The following PSMD13 variants were observed in gnomAD, a reference collection of about 807,000 sequenced individuals.
PSMD13 encodes the protein 26S proteasome non-ATPase regulatory subunit 13.
PSMD13 carries 8 observed loss-of-function variants against 57.4 expected under a neutral mutation model. The observed-to-expected ratio is 0.14, with a 90% CI of 0.08 to 0.25. PSMD13 has a LOEUF of 0.25. Among genes scored for constraint, PSMD13 ranks in the 10% least tolerant of loss-of-function variants. The probability of loss-of-function intolerance (pLI) is 1.00; values close to 1 mark genes in which losing one functional copy is unlikely to be tolerated. For synonymous variants in PSMD13, 193 were observed against 168.2 expected, an observed-to-expected ratio of 1.15 and a Z score of -1.14; for missense variants, 400 against 461.5, an observed-to-expected ratio of 0.87 and a Z score of 1.22.
At chr11:245,708 GTGTT>G (rs1229813892) in intron 6 of PSMD13, among the ~76,000 whole-genome samples, 1 of 86,174 alleles carries the variant, frequency 1.2e-5, no homozygotes, top group Admixed American at 1.1e-4. Flanking sequence ...GTGTTTGTGT[GTGTT>G]TGTGTGTGTG....
At position 252,271 on chromosome 11, in the gene PSMD13, G is replaced by A; in HGVS notation, c.1036-234G>A. On this transcript the variant is annotated intron_variant, in intron 12 of 12. Coordinates refer to ENST00000532097, the MANE Select transcript of PSMD13 (RefSeq NM_002817.4). The surrounding 1 kb of genome is among the most constrained non-coding windows in gnomAD (Gnocchi z 4.1). ...CATTTGCTGGAAATGCGATCCTGTG[G>A]ATTTCCTCTGTCCTTGTCTGCTTTC... 1 of 535,590 alleles carries A rather than the reference G, an allele frequency of 1.9e-6. No homozygotes were observed. 33.2% of individuals were successfully genotyped at this position (535,590 alleles called of 1,614,324 possible). A position where few individuals can be genotyped will look rare whatever the true frequency, so the allele number is the denominator to read the frequency against.
intron 4 of PSMD13, 67 bp downstream of exon 4, chr11:244,283 C>G (rs972825980): frequency 2.5e-6 from 4 of 1,590,154 alleles, no homozygotes; most frequent in Non-Finnish European, 3.4e-6. Flanking sequence ...TATAAGTTAA[C>G]TGAACTTTTG....
At chr11:237,289 C>T in intron 1 of PSMD13, 145 bp downstream of exon 1, 1 of 751,848 alleles carries the variant, frequency 1.3e-6, no homozygotes, top group Non-Finnish European at 2.1e-6. Flanking sequence ...CCGGCTGTGC[C>T]GGCAAGGTTT....
At chr11:240,399 A>G (rs1564820254) in intron 2 of PSMD13, among the ~76,000 whole-genome samples, 1 of 152,154 alleles carries the variant, frequency 6.6e-6, no homozygotes, top group Non-Finnish European at 1.5e-5. Flanking sequence ...GGCAGGAGCC[A>G]CTGTGCCTGG....
chr11:240,229 C>A (rs143216621), intron 2 of PSMD13, among the ~76,000 whole-genome samples: 31 of 149,676 alleles, frequency 2.1e-4, no homozygotes, highest in African/African-American at 7.4e-4. Flanking sequence ...TCTGCCTCAG[C>A]GTCCCAAGTA....
chr11:243,616 TG>T, intron 2 of PSMD13: 1 of 374,854 alleles, frequency 2.7e-6, no homozygotes, highest in Non-Finnish European at 5.1e-6. Flanking sequence ...CCTGGTAGGC[TG>T]GGGACCACAC....
rs1564824081 is a variant in PSMD13 at position 250,813 on chromosome 11, C to G, written c.785C>G (p.Ala262Gly). Residue 262 changes from alanine (A) to glycine (G), a missense_variant, in exon 10 of 13, where the codon GCA (alanine) becomes GGA (glycine). Transcript: ENST00000532097. ...TTCTATACTTTACAGCCTGATTTAG[C>G]AGCTAATGAAGCCCAGCTTCTGAGG... ...KTAWGQQPDL[A>G]ANEAQLLRKI... The G allele has an allele frequency of 6.2e-7, 1 of 1,613,858 alleles. No individual in the cohort carries two copies. Among genetic ancestry groups the G allele is most frequent in the African/African-American group, 1.3e-5 (1 of 75,038 alleles).
chr11:242,510 G>C (rs916191766), intron 2 of PSMD13, among the ~76,000 whole-genome samples: 1 of 151,650 alleles, frequency 6.6e-6, no homozygotes, highest in African/African-American at 2.4e-5. Flanking sequence ...GTAACTTATT[G>C]TACAGTCCAT....
At chr11:248,531 T>A in intron 7 of PSMD13, 1 of 515,540 alleles carries the variant, frequency 1.9e-6, no homozygotes, top group Non-Finnish European at 3.4e-6. Flanking sequence ...GCTGAAAATA[T>A]GAATAGATTC....
intron 6 of PSMD13, among the ~76,000 whole-genome samples, chr11:246,148 G>A (rs1159718167): frequency 2.0e-5 from 3 of 152,178 alleles, no homozygotes; most frequent in African/African-American, 7.2e-5. Flanking sequence ...CCAATGTGCT[G>A]TTACTCCTAT....
chr11:252,451 G>T lies in PSMD13; in HGVS notation c.1036-54G>T. 2 of 1,568,464 alleles carry T rather than the reference G, an allele frequency of 1.3e-6. No homozygotes were observed. The highest frequency in any genetic ancestry group is 1.8e-6 in the Non-Finnish European group (2 of 1,139,248). On this transcript the variant is annotated intron_variant, in intron 12 of 12. Transcript: ENST00000532097. This position sits in a 1 kb window ranked among gnomAD's most constrained non-coding sequence, Gnocchi z 4.1. The stretch of plus-strand genomic sequence containing the variant: ...CCATCAGGTGCTGTGCCGGCCGCTC[G>T]GCCTGTGTCTCCTGCGTGTCTTAAC...
intron 1 of PSMD13, 47 bp from the exon 2 acceptor site, chr11:238,951 G>C (rs1269596632): frequency 1.3e-6 from 2 of 1,530,910 alleles, no homozygotes; most frequent in Non-Finnish European, 1.8e-6. Flanking sequence ...GGAGGTGTCT[G>C]TGACTGGATA....
intron 2 of PSMD13, among the ~76,000 whole-genome samples, chr11:242,943 G>A (rs990316973): frequency 8.5e-5 from 13 of 152,076 alleles, no homozygotes; most frequent in Admixed American, 2.6e-4. Context: ...CTACAGGCGC[G>A]CGCCACCATG....
At chr11:238,934 C>T in intron 1 of PSMD13, 64 bp from the exon 2 acceptor site, 1 of 1,418,414 alleles carries the variant, frequency 7.1e-7, no homozygotes, top group Non-Finnish European at 1.0e-6. Context: ...ATAGAATCAT[C>T]AAGGCTGGAG....
At chr11:238,862 A>G in intron 1 of PSMD13, 136 bp from the exon 2 acceptor site, 4 of 843,532 alleles carry the variant, frequency 4.7e-6, no homozygotes. Context: ...ATTTTGGAGC[A>G]TTTTGAATTT....
intron 9 of PSMD13, 63 bp from the exon 10 acceptor site, chr11:250,740 C>G (rs1859751163): frequency 6.8e-7 from 1 of 1,479,240 alleles, no homozygotes; most frequent in African/African-American, 1.4e-5. Context: ...TTCCAGATCC[C>G]CAGTTAAGTA....
rs958479933 is a variant in PSMD13, at chr11:251,907, G to A, written c.1006G>A (p.Val336Met). The change falls in exon 12 of 13, where the codon GTG becomes ATG. Residue 336 changes from valine (V) to methionine (M), a missense_variant. Transcript: ENST00000532097. The surrounding 1 kb of genome is among the most constrained non-coding windows in gnomAD (Gnocchi z 4.6). ...GGACAAACGAGTCCACATGACCTGGGTGCAGCCCCGAGTGTTGGATTTGCA... is the reference window on the plus strand; with the variant it reads ...GGACAAACGAGTCCACATGACCTGGATGCAGCCCCGAGTGTTGGATTTGCA... ...EVDKRVHMTW[V>M]QPRVLDLQQI... is the part of the protein sequence containing the mutation. 2 of 1,614,110 alleles carry A rather than the reference G, an allele frequency of 1.2e-6. No homozygotes were observed. The highest frequency in any genetic ancestry group is 1.7e-6 in the Non-Finnish European group (2 of 1,179,940).
In PSMD13 at chr11:248,482, G is replaced by A. The variant is rs1418529169; in HGVS notation, c.569-294G>A. The A allele has an allele frequency of 2.7e-5, 11 of 403,632 alleles. No homozygotes were observed. The South Asian group carries it at 2.9e-4, about 11-fold the overall frequency. The allele number at this position is 403,632 out of a possible 1,614,324, so 25.0% of individuals were successfully genotyped here. A position where few individuals can be genotyped will look rare whatever the true frequency, so the allele number is the denominator to read the frequency against. ...TAACTTAAATTTATTCCTTGCCATA[G>A]CAGAAAAGAGATTTAAGGCACTTCC... On this transcript the variant is annotated intron_variant, in intron 7 of 12. Coordinates refer to ENST00000532097, the MANE Select transcript of PSMD13 (RefSeq NM_002817.4).
intron 2 of PSMD13, among the ~76,000 whole-genome samples, chr11:243,710 T>C (rs1003259918): frequency 9.9e-5 from 15 of 152,224 alleles, no homozygotes; most frequent in African/African-American, 3.6e-4. Context: ...CGTTTCAATC[T>C]GATAGTCTAT....
Sources: gnomAD v4.1 joint callset for allele counts (sites outside exome capture counted in the v4.1 genomes callset) on GRCh38, gnomAD v4.1.1 for gene constraint, Gnocchi (gnomAD v3.1) non-coding constraint, MANE v1.5 for transcripts, NCBI Gene and HGNC (gene_info 2026-07-23, HGNC 2026-07-21) for gene names.